Variants in MECOM observed in about 807,000 individuals in gnomAD.
The protein encoded by MECOM is histone-lysine N-methyltransferase MECOM.
Under a neutral mutation model 116.3 loss-of-function variants are expected in MECOM, and 13 were observed. The ratio of observed to expected loss-of-function variants is 0.11; its 90% confidence interval spans 0.07 to 0.18. The LOEUF is 0.18. Ranked by LOEUF, MECOM falls within the 10% of genes least tolerant of loss-of-function variation. The probability of loss-of-function intolerance (pLI) is 1.00; values close to 1 mark genes in which losing one functional copy is unlikely to be tolerated. For synonymous variants in MECOM, 528 were observed against 535.2 expected, an observed-to-expected ratio of 0.99 and a Z score of 0.19; for missense variants, 1,299 against 1,509.0, an observed-to-expected ratio of 0.86 and a Z score of 2.31.
chr3:169,436,414 C>T (rs1560272482), intron 1 of MECOM, among the ~76,000 whole-genome samples: 2 of 151,976 alleles, frequency 1.3e-5, no homozygotes, highest in African/African-American at 4.8e-5. Context: ...CCACGCCTGG[C>T]TAATTTTGTA....
chr3:169,229,088 G>A (rs1287560992), intron 2 of MECOM, among the ~76,000 whole-genome samples: 1 of 152,106 alleles, frequency 6.6e-6, no homozygotes, highest in Non-Finnish European at 1.5e-5. Context: ...TGGAAACACT[G>A]GTTCTGGCTT....
intron 2 of MECOM, among the ~76,000 whole-genome samples, chr3:169,270,974 G>A (rs1375862675): frequency 6.6e-6 from 1 of 152,168 alleles, no homozygotes; most frequent in Non-Finnish European, 1.5e-5. Context: ...ATGTTGACAA[G>A]AGTTTGAGTC....
At chr3:169,419,348 C>T (rs982034360) in intron 1 of MECOM, among the ~76,000 whole-genome samples, 3 of 152,012 alleles carry the variant, frequency 2.0e-5, no homozygotes, top group Non-Finnish European at 2.9e-5. Context: ...CAATGTTATC[C>T]CCATCAGGCT....
At chr3:169,582,627 C>T (rs1765252237) in intron 1 of MECOM, among the ~76,000 whole-genome samples, 1 of 152,168 alleles carries the variant, frequency 6.6e-6, no homozygotes, top group Non-Finnish European at 1.5e-5. Flanking sequence ...CACACTAGGG[C>T]CAATCCTTCC....
At chr3:169,620,759 C>T (rs996322725) in intron 1 of MECOM, among the ~76,000 whole-genome samples, 2 of 152,178 alleles carry the variant, frequency 1.3e-5, no homozygotes, top group East Asian at 3.8e-4. Flanking sequence ...CCTCTGACAC[C>T]GCAGATTCTA....
At chr3:169,397,490 A>C (rs1246801597) in intron 1 of MECOM, among the ~76,000 whole-genome samples, 2 of 152,212 alleles carry the variant, frequency 1.3e-5, no homozygotes, top group Non-Finnish European at 2.9e-5. Flanking sequence ...AAGGCAGTTC[A>C]ATTCCTCCCA....
intron 10 of MECOM, among the ~76,000 whole-genome samples, chr3:169,107,520 C>T (rs1345967133): frequency 6.6e-6 from 1 of 152,112 alleles, no homozygotes; most frequent in Non-Finnish European, 1.5e-5. Flanking sequence ...TGTATCTACA[C>T]AGGAGTTCAG....
chr3:169,477,245 C>T (rs1002772092), intron 1 of MECOM, among the ~76,000 whole-genome samples: 1 of 150,494 alleles, frequency 6.6e-6, no homozygotes, highest in Non-Finnish European at 1.5e-5. Context: ...AAGGCATCTA[C>T]CCCTGTCAAA....
intron 1 of MECOM, among the ~76,000 whole-genome samples, chr3:169,436,889 T>C (rs2108588745): frequency 6.6e-6 from 1 of 152,304 alleles, no homozygotes; most frequent in Admixed American, 6.5e-5. Flanking sequence ...CTGAAAATAC[T>C]TGAGCTTGAA....
chr3:169,473,605 C>A (rs1030178710), intron 1 of MECOM, among the ~76,000 whole-genome samples: 1 of 151,964 alleles, frequency 6.6e-6, no homozygotes, highest in Non-Finnish European at 1.5e-5. Flanking sequence ...CCTGTCTCTA[C>A]TAAAAATACA....
At chr3:169,484,351 T>TA (rs1220906630) in intron 1 of MECOM, among the ~76,000 whole-genome samples, 2 of 151,924 alleles carry the variant, frequency 1.3e-5, no homozygotes, top group Non-Finnish European at 2.9e-5. Context: ...TTGAGAGACA[T>TA]AAAAAATATG....
chr3:169,293,092 G>T (rs977199572), intron 2 of MECOM, among the ~76,000 whole-genome samples: 12 of 152,152 alleles, frequency 7.9e-5, no homozygotes, highest in African/African-American at 2.9e-4. Context: ...GCTGACATTT[G>T]TCTTTTAAAT....
intron 2 of MECOM, among the ~76,000 whole-genome samples, chr3:169,323,223 A>G (rs1279932481): frequency 3.3e-5 from 5 of 152,140 alleles, no homozygotes; most frequent in Non-Finnish European, 7.4e-5. Flanking sequence ...ACCTTGACCC[A>G]GAAGGAACCA....
At chr3:169,499,886 G>C (rs1031653753) in intron 1 of MECOM, among the ~76,000 whole-genome samples, 3 of 151,868 alleles carry the variant, frequency 2.0e-5, no homozygotes, top group African/African-American at 7.3e-5. Context: ...AACCAATAGA[G>C]GAAAAGCAAG....
intron 4 of MECOM, among the ~76,000 whole-genome samples, chr3:169,129,147 T>A (rs1213811517): frequency 6.6e-6 from 1 of 152,028 alleles, no homozygotes; most frequent in East Asian, 1.9e-4. Flanking sequence ...GGCTCTGTAA[T>A]GAGTAAGAAT....
intron 1 of MECOM, among the ~76,000 whole-genome samples, chr3:169,393,954 C>T (rs1282902562): frequency 6.6e-6 from 1 of 152,036 alleles, no homozygotes; most frequent in Non-Finnish European, 1.5e-5. Flanking sequence ...TCTATACGAA[C>T]CATGACTGCT....
intron 12 of MECOM, among the ~76,000 whole-genome samples, chr3:169,097,333 C>A (rs1721900544): frequency 6.6e-6 from 1 of 152,056 alleles, no homozygotes; most frequent in Non-Finnish European, 1.5e-5. Flanking sequence ...CTGCTAAAGT[C>A]TTGGCCAGAA....
chr3:169,454,766 C>CTTATTAAAGG, intron 1 of MECOM, among the ~76,000 whole-genome samples: 1 of 152,128 alleles, frequency 6.6e-6, no homozygotes, highest in Non-Finnish European at 1.5e-5. Flanking sequence ...CTTCTTATTA[C>CTTATTAAAGG]ACATTTAAAA....
intron 2 of MECOM, among the ~76,000 whole-genome samples, chr3:169,206,752 T>TAAAAA (rs71634427): frequency 7.8e-6 from 1 of 128,016 alleles, no homozygotes; most frequent in African/African-American, 2.9e-5. Context: ...GACTTCCTCT[T>TAAAAA]AAAAAAAAAA....
Sources: allele counts gnomAD v4.1 joint callset (sites outside exome capture counted in the v4.1 genomes callset), GRCh38; gene constraint gnomAD v4.1.1; transcripts MANE v1.5; gene names NCBI Gene and HGNC (gene_info 2026-07-23, HGNC 2026-07-21).